The following NRP1 variants were observed in gnomAD, a reference collection of about 807,000 sequenced individuals.
The protein encoded by NRP1 is neuropilin 1.
A neutral mutation model predicts 106.7 loss-of-function variants in NRP1; 35 were observed. That is an observed-to-expected ratio of 0.33 (90% CI 0.25 to 0.43). The LOEUF (loss-of-function observed/expected upper bound fraction) is 0.43. Among genes scored for constraint, NRP1 ranks in the 20% least tolerant of loss-of-function variants. The pLI is 1.00. For synonymous variants in NRP1, 437 were observed against 417.9 expected, an observed-to-expected ratio of 1.05 and a Z score of -0.56; for missense variants, 1,024 against 1,170.4, an observed-to-expected ratio of 0.87 and a Z score of 1.83.
intron 6 of NRP1, among the ~76,000 whole-genome samples, chr10:33,252,635 C>T (rs1161792898): frequency 6.6e-6 from 1 of 151,940 alleles, no homozygotes; most frequent in Non-Finnish European, 1.5e-5. Flanking sequence ...CTTAGTGCTG[C>T]AAAATGTAAG....
chr10:33,236,350 G>A (rs1564409440), intron 6 of NRP1, among the ~76,000 whole-genome samples: 1 of 152,256 alleles, frequency 6.6e-6, no homozygotes, highest in African/African-American at 2.4e-5. Flanking sequence ...ATCAGCGCAT[G>A]TGCTCTTGCT....
intron 13 of NRP1, among the ~76,000 whole-genome samples, chr10:33,190,816 T>C (rs917953519): frequency 2.6e-5 from 4 of 151,998 alleles, no homozygotes; most frequent in Admixed American, 6.6e-5. Flanking sequence ...GCATGTGTGT[T>C]GGGCCAGACA....
Position 33,202,913 on chromosome 10 carries a change from T to G in NRP1, c.1842A>C (p.Thr614=). 6.2e-7 allele frequency: 1 copy of G among 1,614,238 alleles called. No individual in the cohort carries two copies. Among genetic ancestry groups the G allele is most frequent in the Non-Finnish European group, 8.5e-7 (1 of 1,180,046 alleles). Residue 614 remains threonine (T), a synonymous_variant, in exon 11 of 17, where the codon ACA becomes ACC. Transcript: ENST00000374867. ...CACCTGTGAGCTGGAAGTCATCACC[T>G]GTTCCACTGTGGCAGTTGGCCTGGT... ...DDDQANCHSG[T]GDDFQLTGGT...
intron 3 of NRP1, among the ~76,000 whole-genome samples, chr10:33,264,599 A>G (rs978175708): frequency 2.0e-5 from 3 of 151,764 alleles, no homozygotes; most frequent in African/African-American, 7.3e-5. Flanking sequence ...ATGTTAATAG[A>G]TGTGTGTGTG....
At chr10:33,238,850 G>C (rs1039985113) in intron 6 of NRP1, among the ~76,000 whole-genome samples, 6 of 152,092 alleles carry the variant, frequency 3.9e-5, no homozygotes, top group African/African-American at 1.4e-4. Context: ...TTAACCATGA[G>C]AATGTGACCT....
intron 2 of NRP1, among the ~76,000 whole-genome samples, chr10:33,325,184 A>G (rs1418246567): frequency 2.6e-5 from 4 of 152,176 alleles, no homozygotes; most frequent in African/African-American, 9.7e-5. Flanking sequence ...ATACTTTACT[A>G]AAGGTATATA....
At chr10:33,232,445 G>A (rs935462889) in intron 6 of NRP1, among the ~76,000 whole-genome samples, 17 of 152,098 alleles carry the variant, frequency 1.1e-4, no homozygotes, top group African/African-American at 3.9e-4. Flanking sequence ...AAGGGTGATG[G>A]TGAGGGGGTG....
intron 6 of NRP1, among the ~76,000 whole-genome samples, chr10:33,249,044 A>G (rs1391912339): frequency 6.6e-6 from 1 of 150,616 alleles, no homozygotes; most frequent in Non-Finnish European, 1.5e-5. Context: ...TGTTTCTTTG[A>G]ACAACAAAGT....
rs750905931 is a variant in NRP1 at position 33,249,084 on chromosome 10, G to GTTTTTTTTTTTTTTTTT, written c.981+4927_981+4943dup. 4.7e-4 allele frequency among the ~76,000 whole-genome samples: 34 copies of GTTTTTTTTTTTTTTTTT among 72,202 alleles called. 1 individual carries two copies. The highest frequency in any genetic ancestry group is 1.4e-3 in the African/African-American group (24 of 17,358). The allele number at this position is 72,202 out of a possible 152,430, so 47.4% of individuals were successfully genotyped here. A position where few individuals can be genotyped will look rare whatever the true frequency, so the allele number is the denominator to read the frequency against. On this transcript the variant is annotated intron_variant, in intron 6 of 16. Coordinates refer to ENST00000374867, the MANE Select transcript of NRP1 (RefSeq NM_003873.7). Reference sequence around the variant, plus strand: ...ATCCCACCCAGGTATTATGTCTCTTGTTTTTTTTTTTTTTTTTTTTTTTTG... The same window carrying GTTTTTTTTTTTTTTTTT: ...ATCCCACCCAGGTATTATGTCTCTTGTTTTTTTTTTTTTTTTTTTTTTTTTTTTTTTTTTTTTTTTTG...
chr10:33,262,703 C>A (rs1388297224), intron 4 of NRP1, among the ~76,000 whole-genome samples: 691 of 100,142 alleles, frequency 6.9e-3, no homozygotes, highest in Admixed American at 8.5e-3. Flanking sequence ...AACTCTGTCT[C>A]AAAAAAAAAA....
chr10:33,267,734 G>A (rs535182693), intron 3 of NRP1, among the ~76,000 whole-genome samples: 1 of 152,268 alleles, frequency 6.6e-6, no homozygotes, highest in South Asian at 2.1e-4. Flanking sequence ...TAGGCGATTG[G>A]AAATAAATGT....
intron 6 of NRP1, among the ~76,000 whole-genome samples, chr10:33,248,242 A>G (rs918987972): frequency 6.6e-6 from 1 of 152,182 alleles, no homozygotes; most frequent in Admixed American, 6.5e-5. Context: ...GCGAGCCAAG[A>G]TCGTGCCACT....
intron 9 of NRP1, among the ~76,000 whole-genome samples, chr10:33,208,600 G>A (rs1588725640): frequency 6.6e-6 from 1 of 152,144 alleles, no homozygotes; most frequent in African/African-American, 2.4e-5. Context: ...TTCCAAATGG[G>A]AGAAGGCGGA....
At chr10:33,266,012 C>T (rs565182936) in intron 3 of NRP1, among the ~76,000 whole-genome samples, 41 of 152,172 alleles carry the variant, frequency 2.7e-4, no homozygotes, top group African/African-American at 9.4e-4. Context: ...ACCCTGGAGA[C>T]CTCCAAACTC....
chr10:33,194,558 A>C (rs999048887), intron 12 of NRP1: 1 of 300,988 alleles, frequency 3.3e-6, no homozygotes, highest in East Asian at 7.9e-5. Context: ...TTCTCGCTTC[A>C]GAGAATGACA....
chr10:33,296,270 G>A (rs1017049264), intron 2 of NRP1, among the ~76,000 whole-genome samples: 2 of 152,150 alleles, frequency 1.3e-5, no homozygotes, highest in Admixed American at 6.5e-5. Context: ...AGGAACCCAC[G>A]GCCAGACAGG....
intron 10 of NRP1, 112 bp from the exon 11 acceptor site, chr10:33,203,107 AC>A: frequency 1.9e-6 from 2 of 1,034,616 alleles, no homozygotes; most frequent in Non-Finnish European, 2.8e-6. Flanking sequence ...CGGTAAGAAG[AC>A]CAGGGGCATG....
intron 2 of NRP1, among the ~76,000 whole-genome samples, chr10:33,302,345 C>T (rs1845860121): frequency 6.6e-6 from 1 of 152,210 alleles, no homozygotes; most frequent in South Asian, 2.1e-4. Context: ...TCCTGTTTGG[C>T]CCCTTTGCGT....
At chr10:33,200,069 AT>A (rs1308327662) in intron 11 of NRP1, among the ~76,000 whole-genome samples, 3 of 152,214 alleles carry the variant, frequency 2.0e-5, no homozygotes, top group Non-Finnish European at 4.4e-5. Flanking sequence ...AAGGAATTAT[AT>A]GTATTATGGG....
Sources: allele counts gnomAD v4.1 joint callset (sites outside exome capture counted in the v4.1 genomes callset), GRCh38; gene constraint gnomAD v4.1.1; transcripts MANE v1.5; gene names NCBI Gene and HGNC (gene_info 2026-07-23, HGNC 2026-07-21).